Variants in DNAJB4 observed in about 807,000 individuals in gnomAD.
DNAJB4 encodes the protein dnaJ homolog subfamily B member 4.
DNAJB4 carries 10 observed loss-of-function variants against 26.6 expected under a neutral mutation model. The ratio of observed to expected loss-of-function variants is 0.38; its 90% CI spans 0.23 to 0.64. The LOEUF (loss-of-function observed/expected upper bound fraction) is 0.64. Ranked by LOEUF, DNAJB4 falls within the 30% of genes least tolerant of loss-of-function variation. The probability of loss-of-function intolerance (pLI) is 0.58; values close to 1 mark genes in which losing one functional copy is unlikely to be tolerated. For missense variants in DNAJB4, 328 were observed against 408.2 expected, an observed-to-expected ratio of 0.80 and a Z score of 1.69; for synonymous variants, 136 against 134.8, an observed-to-expected ratio of 1.01 and a Z score of -0.06.
intron 1 of DNAJB4, among the ~76,000 whole-genome samples, chr1:77,990,972 A>C (rs190232501): frequency 1.8e-4 from 28 of 152,320 alleles, no homozygotes; most frequent in Admixed American, 1.6e-3. Flanking sequence ...ATGAGGCATA[A>C]ACACACAGAT....
chr1:77,983,290 A>T (rs563651258), intron 1 of DNAJB4, among the ~76,000 whole-genome samples: 47 of 151,826 alleles, frequency 3.1e-4, no homozygotes, highest in Admixed American at 6.6e-4. Context: ...TAGATGGAAC[A>T]TACAATCGGG....
chr1:77,983,217 C>T (rs1217314219), intron 1 of DNAJB4, among the ~76,000 whole-genome samples: 1 of 152,244 alleles, frequency 6.6e-6, no homozygotes, highest in Non-Finnish European at 1.5e-5. Flanking sequence ...CAATGCTTTA[C>T]AAAGCAGTAT....
chr1:78,006,676 C>T (rs1660337211), intron 1 of DNAJB4, among the ~76,000 whole-genome samples: 1 of 152,074 alleles, frequency 6.6e-6, no homozygotes, highest in African/African-American at 2.4e-5. Flanking sequence ...GTGTCAGGTT[C>T]TTACAAAGTA....
chr1:77,997,697 C>T (rs1340703384), intron 1 of DNAJB4, among the ~76,000 whole-genome samples: 1 of 152,140 alleles, frequency 6.6e-6, no homozygotes, highest in African/African-American at 2.4e-5. Flanking sequence ...CAAAATCTAT[C>T]AGTCTTTCAT....
chr1:77,985,247 A>G (rs536700768), intron 1 of DNAJB4, among the ~76,000 whole-genome samples: 4 of 152,322 alleles, frequency 2.6e-5, no homozygotes, highest in Admixed American at 2.0e-4. Flanking sequence ...CTCATTTGGT[A>G]TAACAATTTT....
At chr1:78,015,775 CT>C (rs1202095520) in intron 2 of DNAJB4, among the ~76,000 whole-genome samples, 3 of 152,010 alleles carry the variant, frequency 2.0e-5, no homozygotes, top group Non-Finnish European at 4.4e-5. Flanking sequence ...TCTTGAACTC[CT>C]GACCTCAGGT....
chr1:77,979,922 AC>A (rs1317318885), upstream of DNAJB4, among the ~76,000 whole-genome samples: 3 of 151,544 alleles, frequency 2.0e-5, no homozygotes, highest in Admixed American at 2.0e-4. Flanking sequence ...TCGCTCTGTT[AC>A]CCAGGCTGGA....
chr1:77,989,810 C>T (rs552705652), intron 1 of DNAJB4, among the ~76,000 whole-genome samples: 1 of 152,302 alleles, frequency 6.6e-6, no homozygotes, highest in African/African-American at 2.4e-5. Context: ...AAGTTAGGCT[C>T]TTACTGTCTT....
intron 1 of DNAJB4, among the ~76,000 whole-genome samples, chr1:77,987,447 A>G (rs903027967): frequency 6.6e-6 from 1 of 152,156 alleles, no homozygotes; most frequent in Non-Finnish European, 1.5e-5. Flanking sequence ...AATTTTTTGT[A>G]GAGATGGGGG....
rs192824304 is a variant in DNAJB4, at chr1:78,017,015, C to T, written c.*768C>T. The T allele has an allele frequency of 6.6e-5, 10 of 152,004 alleles. No individual in the cohort carries two copies. Among genetic ancestry groups the T allele is most frequent in the Admixed American group, 1.3e-4 (2 of 15,274 alleles). The allele number at this position is 152,004 out of a possible 1,614,324, so 9.4% of individuals were successfully genotyped here. A position where few individuals can be genotyped will look rare whatever the true frequency, so the allele number is the denominator to read the frequency against. The stretch of plus-strand genomic sequence containing the variant: ...TGTTCTCTGCTAGTTTAAAGTAATT[C>T]GTTTAATAATAGATGTGTTTTTAGA... On this transcript the variant is annotated 3_prime_UTR_variant, in exon 3 of 3. Coordinates refer to ENST00000370763, the MANE Select transcript of DNAJB4 (RefSeq NM_007034.5).
At chr1:77,993,296 G>A (rs559852821) in intron 1 of DNAJB4, among the ~76,000 whole-genome samples, 36 of 152,030 alleles carry the variant, frequency 2.4e-4, no homozygotes, top group African/African-American at 8.7e-4. Context: ...TATAGTTATA[G>A]TATAAACTCC....
intron 1 of DNAJB4, chr1:77,980,388 ATGTT>A (rs1659547334): frequency 6.7e-6 from 1 of 148,168 alleles, no homozygotes; most frequent in Non-Finnish European, 1.5e-5. Flanking sequence ...TTGGTATTTT[ATGTT>A]ATGTACTTCA....
upstream of DNAJB4, chr1:78,004,849 A>G: frequency 9.2e-6 from 4 of 434,112 alleles, no homozygotes; most frequent in South Asian, 2.9e-5. Flanking sequence ...TGTTCTAGAA[A>G]GTACAGAGAC....
At chr1:77,985,549 AG>A (rs1458708134) in intron 1 of DNAJB4, among the ~76,000 whole-genome samples, 1 of 152,150 alleles carries the variant, frequency 6.6e-6, no homozygotes, top group African/African-American at 2.4e-5. Flanking sequence ...TATTTTTTCA[AG>A]CAAGAATGTT....
intron 1 of DNAJB4, among the ~76,000 whole-genome samples, chr1:77,983,538 C>G (rs1047005365): frequency 6.6e-6 from 1 of 152,154 alleles, no homozygotes; most frequent in Non-Finnish European, 1.5e-5. Context: ...GTCCCTGCGG[C>G]CTTCCACAGT....
intron 1 of DNAJB4, among the ~76,000 whole-genome samples, chr1:77,991,431 T>C (rs1659929378): frequency 6.6e-6 from 1 of 152,180 alleles, no homozygotes; most frequent in Non-Finnish European, 1.5e-5. Flanking sequence ...GACATACGCA[T>C]GTTCAGAGTG....
At chr1:78,008,414 G>A (rs1454413471) in intron 1 of DNAJB4, among the ~76,000 whole-genome samples, 1 of 152,124 alleles carries the variant, frequency 6.6e-6, no homozygotes, top group Non-Finnish European at 1.5e-5. Context: ...AGCAATAAAA[G>A]GACCAATTTG....
intron 1 of DNAJB4, among the ~76,000 whole-genome samples, chr1:77,984,030 CTG>C (rs1491103667): frequency 2.0e-5 from 3 of 152,130 alleles, no homozygotes; most frequent in Admixed American, 6.5e-5. Flanking sequence ...AGTGATTAGA[CTG>C]GGGTACCTCC....
intron 1 of DNAJB4, among the ~76,000 whole-genome samples, chr1:77,990,728 T>C (rs899788703): frequency 2.6e-5 from 4 of 152,236 alleles, no homozygotes; most frequent in Admixed American, 6.5e-5. Context: ...ATGGGCAGTC[T>C]GAAATCCTTC....
Sources: gnomAD v4.1 joint callset for allele counts (sites outside exome capture counted in the v4.1 genomes callset) on GRCh38, gnomAD v4.1.1 for gene constraint, MANE v1.5 for transcripts, NCBI Gene and HGNC (gene_info 2026-07-23, HGNC 2026-07-21) for gene names.